TRPM3: variants seen among roughly 807,000 people sequenced by gnomAD.
TRPM3 encodes transient receptor potential cation channel subfamily M member 3.
In TRPM3, 77 loss-of-function variants were observed where a neutral mutation model predicts 181.2. The observed-to-expected ratio is 0.42, with a 90% CI of 0.35 to 0.51. The LOEUF (loss-of-function observed/expected upper bound fraction) is 0.51. Ranked by LOEUF, TRPM3 falls within the 20% of genes least tolerant of loss-of-function variation. TRPM3 has a pLI of 0.01. For missense variants in TRPM3, 1,759 were observed against 2,196.7 expected (o/e 0.80, Z 3.98); for synonymous variants, 745 against 796.4 (o/e 0.94, Z 1.09).
In TRPM3 at chr9:70,530,756, C is replaced by T. The variant is rs1328016681; in HGVS notation, c.*5197G>A. On this transcript the variant is annotated 3_prime_UTR_variant, in exon 26 of 26. Transcript: ENST00000677713. ...TGGAACCAGCCTTTCTTTTGGTTGA[C>T]TCCAATCTGAGAGACAGAATATCCA... is the stretch of plus-strand genomic sequence containing the variant. 6.6e-6 allele frequency: 1 copy of T among 152,168 alleles called. No homozygotes were observed. The highest frequency in any genetic ancestry group is 1.5e-5 in the Non-Finnish European group (1 of 68,028). 9.4% of individuals were successfully genotyped at this position (152,168 alleles called of 1,614,324 possible). A position where few individuals can be genotyped will look rare whatever the true frequency, so the allele number is the denominator to read the frequency against.
intron 6 of TRPM3, among the ~76,000 whole-genome samples, chr9:70,808,769 A>T (rs2091244771): frequency 6.6e-6 from 1 of 152,246 alleles, no homozygotes; most frequent in Admixed American, 6.5e-5. Context: ...GTCTAAAGTG[A>T]ACTGATCATC....
chr9:71,408,051 A>G lies in TRPM3; in HGVS notation c.183+38602T>C, dbSNP rs188133083. 4.9e-3 allele frequency among the ~76,000 whole-genome samples: 753 copies of G among 152,346 alleles called. 3 individuals carry two copies. Among genetic ancestry groups the G allele is most frequent in the African/African-American group, 0.015 (621 of 41,576 alleles). ...AAACTAACAAACAGAAAGGAATAGC[A>G]TCAACAACAACAAAAAGGACATCCA... On this transcript the variant is annotated intron_variant, in intron 1 of 24. Transcript: ENST00000357533.
chr9:70,991,785 C>T (rs775964505), intron 1 of TRPM3, among the ~76,000 whole-genome samples: 2 of 152,164 alleles, frequency 1.3e-5, no homozygotes, highest in Non-Finnish European at 1.5e-5. Flanking sequence ...CTCCAAGCCT[C>T]CCTCAGCTGC....
chr9:71,373,385 A>G (rs1449312118), intron 1 of TRPM3, among the ~76,000 whole-genome samples: 1 of 152,124 alleles, frequency 6.6e-6, no homozygotes, highest in East Asian at 1.9e-4. Context: ...TACTAGCTAG[A>G]TTAATAAAGA....
chr9:70,642,246 T>C (rs190798591), intron 9 of TRPM3, among the ~76,000 whole-genome samples: 3 of 152,258 alleles, frequency 2.0e-5, no homozygotes, highest in Admixed American at 2.0e-4. Flanking sequence ...TTGAAACATA[T>C]GAGACTACTG....
chr9:71,098,086 G>T (rs911208409), intron 1 of TRPM3, among the ~76,000 whole-genome samples: 4 of 152,102 alleles, frequency 2.6e-5, no homozygotes, highest in Non-Finnish European at 5.9e-5. Context: ...TTCACTGTGT[G>T]ACAATAGCTG....
At chr9:71,340,865 A>G (rs766738286) in intron 1 of TRPM3, among the ~76,000 whole-genome samples, 3 of 152,102 alleles carry the variant, frequency 2.0e-5, no homozygotes, top group Admixed American at 6.6e-5. Flanking sequence ...TAGAGGAAGA[A>G]CAGGAAAACT....
At chr9:71,074,003 T>C (rs964890646) in intron 1 of TRPM3, among the ~76,000 whole-genome samples, 1 of 152,210 alleles carries the variant, frequency 6.6e-6, no homozygotes, top group Non-Finnish European at 1.5e-5. Flanking sequence ...CATCTTTTGA[T>C]TCTATTAAAT....
intron 8 of TRPM3, among the ~76,000 whole-genome samples, chr9:70,744,435 G>C (rs967891119): frequency 6.6e-6 from 1 of 152,080 alleles, no homozygotes; most frequent in Non-Finnish European, 1.5e-5. Flanking sequence ...GTTCTGATGA[G>C]CTAGCATAAT....
intron 5 of TRPM3, chr9:70,842,778 G>A (rs552588415): frequency 4.1e-6 from 2 of 485,594 alleles, no homozygotes; most frequent in African/African-American, 2.0e-5. Flanking sequence ...TAGGTGGTAA[G>A]TCTTACTTTG....
intron 25 of TRPM3, among the ~76,000 whole-genome samples, chr9:70,542,336 TGCAGAGAGG>T (rs2043637917): frequency 6.6e-6 from 1 of 152,206 alleles, no homozygotes; most frequent in African/African-American, 2.4e-5. Flanking sequence ...AAAGAGGCAC[TGCAGAGAGG>T]AAGAGATGCT....
intron 1 of TRPM3, among the ~76,000 whole-genome samples, chr9:71,285,213 C>T (rs2085180090): frequency 6.6e-6 from 1 of 152,206 alleles, no homozygotes; most frequent in East Asian, 1.9e-4. Context: ...TTAGGCCCCA[C>T]TGAACCCTAA....
intron 6 of TRPM3, chr9:70,793,469 AAT>A (rs59366619): frequency 0.024 from 2,912 of 122,986 alleles, 45 homozygotes; most frequent in Non-Finnish European, 0.027. Flanking sequence ...AAAAAAAAAA[AAT>A]ATATATATAT....
At chr9:70,600,889 G>T (rs2059792088) in intron 20 of TRPM3, among the ~76,000 whole-genome samples, 1 of 152,234 alleles carries the variant, frequency 6.6e-6, no homozygotes, top group East Asian at 1.9e-4. Context: ...AAATAGTGAA[G>T]CATTTTTTGG....
chr9:70,831,976 TA>T (rs1564496924), intron 5 of TRPM3, among the ~76,000 whole-genome samples: 1,314 of 85,172 alleles, frequency 0.015, 112 homozygotes, highest in African/African-American at 0.062. Context: ...TATATATATA[TA>T]TATATATATA....
rs763756470 is a variant in TRPM3 at position 70,620,174 on chromosome 9, C to T, written c.2031G>A (p.Lys677=). 1 of 1,614,236 alleles carries T rather than the reference C, an allele frequency of 6.2e-7. No individual in the cohort carries two copies. Among genetic ancestry groups the T allele is most frequent in the Admixed American group, 1.7e-5 (1 of 60,034 alleles). The change falls in exon 16 of 26, where the codon AAG becomes AAA. Residue 677 remains lysine, a synonymous_variant. Transcript: ENST00000677713. ...TGCAGAGCTTGCAGGCCACCAGGGC[C>T]TTGGCCATGGCCTCCTCACCGTGCT... ...FWQHGEEAMA[K]ALVACKLCKA...
chr9:70,659,896 A>G (rs561699784), intron 9 of TRPM3, among the ~76,000 whole-genome samples: 17 of 152,216 alleles, frequency 1.1e-4, no homozygotes, highest in Non-Finnish European at 2.2e-4. Context: ...CCACTTTCAT[A>G]CCTGCCTACT....
chr9:71,143,986 T>C (rs1274811178), intron 1 of TRPM3, among the ~76,000 whole-genome samples: 2 of 152,170 alleles, frequency 1.3e-5, no homozygotes, highest in Non-Finnish European at 2.9e-5. Context: ...ATATATGTCT[T>C]CCCATTCACT....
rs1386079728 is a variant in TRPM3 at position 70,535,516 on chromosome 9, C to T, written c.*437G>A. 1 of 1,549,752 alleles carries T rather than the reference C, an allele frequency of 6.5e-7. No homozygotes were observed. Among genetic ancestry groups the T allele is most frequent in the Admixed American group, 2.0e-5 (1 of 50,882 alleles). On this transcript the variant is annotated 3_prime_UTR_variant, in exon 26 of 26. Coordinates refer to ENST00000677713, the MANE Select transcript of TRPM3 (RefSeq NM_001366145.2). ...AACAGAATGGAAGTTTAGAATATCT[C>T]ATTGTGTACGCTGGCTATTTTATTT... is the stretch of plus-strand genomic sequence containing the variant.
Sources: allele counts gnomAD v4.1 joint callset (sites outside exome capture counted in the v4.1 genomes callset), GRCh38; gene constraint gnomAD v4.1.1; transcripts MANE v1.5; gene names NCBI Gene and HGNC (gene_info 2026-07-23, HGNC 2026-07-21).